Variants in RANBP2 observed in about 807,000 individuals in gnomAD.
The protein encoded by RANBP2 is RAN binding protein 2, also known as E3 SUMO-protein ligase RanBP2.
A neutral mutation model predicts 303.6 loss-of-function variants in RANBP2; 57 were observed. The observed-to-expected ratio is 0.19, with a 90% CI of 0.15 to 0.23. The LOEUF (loss-of-function observed/expected upper bound fraction) is 0.23, where lower values mean the gene tolerates loss of function less well. Ranked by LOEUF, RANBP2 falls within the 10% of genes least tolerant of loss-of-function variation. The pLI is 1.00. For synonymous variants in RANBP2, 1,167 were observed against 1,301.5 expected (o/e 0.90, Z 2.23); for missense variants, 3,138 against 3,780.8 (o/e 0.83, Z 4.46).
At chr2:109,557,851 C>CTT in the RANBP2 span, among the ~76,000 whole-genome samples, 25,910 of 140,690 alleles carry the variant, frequency 0.18, 3,184 homozygotes, top group Non-Finnish European at 0.27. Context: ...TCATAATTTT[C>CTT]TTTTTTTTTT....
At chr2:108,758,381 T>G (rs778903627) in intron 17 of RANBP2, 32 bp from the exon 18 acceptor site, 6 of 1,611,772 alleles carry the variant, frequency 3.7e-6, no homozygotes, top group Non-Finnish European at 5.1e-6. Context: ...ATTAAATGTT[T>G]AAAATTATTT....
the RANBP2 span, among the ~76,000 whole-genome samples, chr2:109,179,201 A>G: frequency 9.9e-5 from 15 of 152,282 alleles, no homozygotes; most frequent in Non-Finnish European, 2.2e-4. Flanking sequence ...GGAAATTGAG[A>G]TAATCAAAAT....
the RANBP2 span, among the ~76,000 whole-genome samples, chr2:109,464,166 T>TA: frequency 6.6e-6 from 1 of 152,300 alleles, no homozygotes; most frequent in Non-Finnish European, 1.5e-5. Flanking sequence ...GCTCACCACT[T>TA]AATGAGGGGG....
the RANBP2 span, chr2:108,896,868 C>T: frequency 1.9e-6 from 3 of 1,590,714 alleles, no homozygotes; most frequent in African/African-American, 4.0e-5. Context: ...TCGTTGGCTC[C>T]TTGGCTTGTC....
chr2:109,608,038 T>C, the RANBP2 span, among the ~76,000 whole-genome samples: 23,306 of 152,270 alleles, frequency 0.15, 2,260 homozygotes, highest in Non-Finnish European at 0.22. Context: ...GCTACTAATT[T>C]GTCAGTGAGA....
chr2:109,589,105 T>G, the RANBP2 span, among the ~76,000 whole-genome samples: 1 of 150,342 alleles, frequency 6.7e-6, no homozygotes, highest in African/African-American at 2.5e-5. Context: ...TTTTGTGGTT[T>G]TTTTGTTTGT....
intron 6 of RANBP2, 30 bp downstream of exon 6, chr2:108,736,279 T>G: frequency 6.2e-7 from 1 of 1,611,938 alleles, no homozygotes; most frequent in Non-Finnish European, 8.5e-7. Context: ...AATGCTTTAG[T>G]ATAAATTGCA....
chr2:108,820,720 C>A, the RANBP2 span, among the ~76,000 whole-genome samples: 2,596 of 141,422 alleles, frequency 0.018, 85 homozygotes, highest in African/African-American at 0.034. Flanking sequence ...AAAAAACAAA[C>A]AACAAAACTG....
chr2:109,636,173 G>C, the RANBP2 span, among the ~76,000 whole-genome samples: 29,225 of 152,110 alleles, frequency 0.19, 3,490 homozygotes, highest in African/African-American at 0.34. Flanking sequence ...AAAACTGTGA[G>C]AAATAAATGT....
chr2:109,073,655 C>T, the RANBP2 span, among the ~76,000 whole-genome samples: 21 of 147,570 alleles, frequency 1.4e-4, 1 homozygote, highest in East Asian at 7.8e-4. Flanking sequence ...GGCAACAGAG[C>T]GAGACTCTGT....
chr2:109,615,978 G>A, the RANBP2 span: 9 of 1,565,156 alleles, frequency 5.8e-6, no homozygotes, highest in Admixed American at 9.5e-5. Context: ...GCCGCTGGAG[G>A]GCAGGGGGGA....
chr2:109,042,656 C>T, the RANBP2 span, among the ~76,000 whole-genome samples: 1 of 152,188 alleles, frequency 6.6e-6, no homozygotes, highest in African/African-American at 2.4e-5. Flanking sequence ...GTTAGCTCTC[C>T]AAGTCCCTCA....
chr2:109,274,170 A>G, the RANBP2 span, among the ~76,000 whole-genome samples: 1 of 152,252 alleles, frequency 6.6e-6, no homozygotes, highest in African/African-American at 2.4e-5. Context: ...TGGATTTCTT[A>G]GAAAGTTAAA....
the RANBP2 span, among the ~76,000 whole-genome samples, chr2:109,255,353 T>C: frequency 9.9e-5 from 15 of 152,262 alleles, no homozygotes; most frequent in African/African-American, 3.1e-4. Flanking sequence ...ATACAGAGCA[T>C]TGGAGAAGTG....
the RANBP2 span, chr2:108,839,330 A>T: frequency 1.3e-6 from 2 of 1,569,200 alleles, no homozygotes; most frequent in Admixed American, 3.5e-5. Flanking sequence ...TTTATCTATA[A>T]GTAATACTCC....
the RANBP2 span, among the ~76,000 whole-genome samples, chr2:109,367,428 C>T: frequency 3.3e-5 from 5 of 152,090 alleles, no homozygotes; most frequent in African/African-American, 1.2e-4. Flanking sequence ...ACTACAGGCA[C>T]ACGGCCTCAT....
the RANBP2 span, among the ~76,000 whole-genome samples, chr2:109,275,500 T>G: frequency 6.6e-5 from 10 of 152,090 alleles, no homozygotes; most frequent in African/African-American, 2.4e-4. Flanking sequence ...GATTCTGGGT[T>G]GTAGATTGTT....
Position 108,766,808 on chromosome 2 carries a change from C to T in RANBP2, c.6269C>T (p.Thr2090Met), listed in dbSNP as rs1175247304. 3.7e-6 allele frequency: 6 copies of T among 1,611,972 alleles called. No homozygotes were observed. Among genetic ancestry groups the T allele is most frequent in the East Asian group, 2.2e-5 (1 of 44,880 alleles). The change falls in exon 20 of 29, where the codon ACG (threonine) becomes ATG (methionine). Residue 2090 changes from threonine to methionine, a missense_variant. By Grantham distance (81) the Thr-to-Met change is moderately conservative. Transcript: ENST00000283195. The part of the protein sequence containing the change: ...VLKVCANHWI[T>M]TTMNLKPLSG... ...AAAGTGTGTGCTAATCATTGGATAA[C>T]GACTACGATGAACCTGAAGCCTCTC...
the RANBP2 span, among the ~76,000 whole-genome samples, chr2:109,620,688 C>T: frequency 5.9e-5 from 9 of 152,002 alleles, no homozygotes; most frequent in East Asian, 9.7e-4. Context: ...GGCATCACAG[C>T]GACTCTGTCT....
Sources: allele counts gnomAD v4.1 joint callset (sites outside exome capture counted in the v4.1 genomes callset), GRCh38; gene constraint gnomAD v4.1.1; transcripts MANE v1.5; gene names NCBI Gene and HGNC (gene_info 2026-07-23, HGNC 2026-07-21).